Variants in EXOC7 observed in about 807,000 individuals in gnomAD.
EXOC7 encodes exocyst complex component 7.
In EXOC7, 51 loss-of-function variants were observed where a neutral mutation model predicts 87.6. The observed-to-expected ratio is 0.58, with a 90% CI of 0.46 to 0.73. The LOEUF is 0.73. Among genes scored for constraint, EXOC7 ranks in the 30% least tolerant of loss-of-function variants. EXOC7 has a pLI of 0.00. For missense variants in EXOC7, 744 were observed against 888.4 expected (o/e 0.84, Z 2.07); for synonymous variants, 327 against 357.1 (o/e 0.92, Z 0.95).
rs763500076 is a variant in EXOC7, at chr17:76,103,599, ACCT to A, written c.60+31_60+33del. ...GCCCCGCTGTTGGCCCCTTTCCCTC[ACCT>A]CCTCCCCAGCCTCCCCAGGCCCACG... On this transcript the variant is annotated intron_variant, in intron 1 of 18. Transcript: ENST00000589210. 9.4e-4 allele frequency: 1,493 copies of A among 1,586,224 alleles called. 2 individuals are homozygous for A. Among genetic ancestry groups the A allele is most frequent in the Non-Finnish European group, 1.2e-3 (1,360 of 1,170,066 alleles).
intron 6 of EXOC7, 38 bp from the exon 7 acceptor site, chr17:76,091,273 CT>C: frequency 6.3e-7 from 1 of 1,583,880 alleles, no homozygotes; most frequent in South Asian, 1.1e-5. Context: ...ATAAGAAGAC[CT>C]AGGAAATGAG....
chr17:76,103,750 C>T lies in EXOC7; in HGVS notation c.-58G>A, dbSNP rs1022024297. On this transcript the variant is annotated 5_prime_UTR_variant, in exon 1 of 19. Coordinates refer to ENST00000589210, the MANE Select transcript of EXOC7 (RefSeq NM_001013839.4). ...ATCTTTCCTCCGCGGGCCCACCGGGCCCCCGTCCCCGTCACACCCACTTCC... is the reference window on the plus strand; with the variant it reads ...ATCTTTCCTCCGCGGGCCCACCGGGTCCCCGTCCCCGTCACACCCACTTCC... The T allele has an allele frequency of 2.0e-6, 3 of 1,533,352 alleles. No homozygotes were observed. Among genetic ancestry groups the T allele is most frequent in the Admixed American group, 2.0e-5 (1 of 50,038 alleles). The allele number at this position is 1,533,352 out of a possible 1,614,324, so 95.0% of individuals were successfully genotyped here. A position where few individuals can be genotyped will look rare whatever the true frequency, so the allele number is the denominator to read the frequency against.
chr17:76,082,190 C>A lies in EXOC7; in HGVS notation c.*1458G>T. The A allele has an allele frequency of 9.0e-7, 1 of 1,105,612 alleles. No individual in the cohort carries two copies. The highest frequency in any genetic ancestry group is 1.3e-6 in the Non-Finnish European group (1 of 788,112). The allele number at this position is 1,105,612 out of a possible 1,614,324, so 68.5% of individuals were successfully genotyped here. A position where few individuals can be genotyped will look rare whatever the true frequency, so the allele number is the denominator to read the frequency against. On this transcript the variant is annotated 3_prime_UTR_variant, in exon 19 of 19. Coordinates refer to ENST00000589210, the MANE Select transcript of EXOC7 (RefSeq NM_001013839.4). ...CTGTCCCTGGTCTCCACCATGTCCTCCTCCCTTAGAAGAAACAGGTCTGGG... is the reference window on the plus strand; with the variant it reads ...CTGTCCCTGGTCTCCACCATGTCCTACTCCCTTAGAAGAAACAGGTCTGGG...
chr17:76,097,596 C>T (rs368651911), intron 5 of EXOC7, among the ~76,000 whole-genome samples, 200 bp downstream of exon 5: 10 of 148,484 alleles, frequency 6.7e-5, no homozygotes, highest in Admixed American at 2.7e-4. Context: ...CCCAGCTACT[C>T]GGGAGGCTGA....
In EXOC7 at chr17:76,081,197, C is replaced by G. The variant is rs1324867157; in HGVS notation, c.*2451G>C. On this transcript the variant is annotated 3_prime_UTR_variant, in exon 19 of 19. Coordinates refer to ENST00000589210, the MANE Select transcript of EXOC7 (RefSeq NM_001013839.4). Reference sequence around the variant, plus strand: ...AAGCCATCAAAAGTCTCCATCACCCCTGGGCTCCAGTCTGCTACCCCCAGA... The same window carrying G: ...AAGCCATCAAAAGTCTCCATCACCCGTGGGCTCCAGTCTGCTACCCCCAGA... The G allele has an allele frequency of 1.1e-5, 17 of 1,581,716 alleles. No homozygotes were observed. The highest frequency in any genetic ancestry group is 1.5e-5 in the Non-Finnish European group (17 of 1,163,352).
Position 76,085,877 on chromosome 17 carries a change from C to T in EXOC7, c.1496-80G>A, listed in dbSNP as rs980793739. On this transcript the variant is annotated intron_variant, in intron 13 of 18. Transcript: ENST00000589210. ...CCACCCCAGGACCCGCGAACGCGCT[C>T]CTATCCATCGCTCCTCGTCCTGCCT... 5.8e-6 allele frequency: 9 copies of T among 1,563,372 alleles called. No individual in the cohort carries two copies. In the Admixed American group the frequency reaches 1.5e-4, roughly 26 times the overall value.
Position 76,090,260 on chromosome 17 carries a change from G to A in EXOC7, c.901+883C>T. The A allele has an allele frequency of 2.0e-6, 3 of 1,505,714 alleles. No individual in the cohort carries two copies. In the South Asian group the frequency reaches 3.8e-5, roughly 19 times the overall value. The allele number at this position is 1,505,714 out of a possible 1,614,324, so 93.3% of individuals were successfully genotyped here. ...GTGGGCCCAGCTGGGCCAGGCAGGA[G>A]CAGGCCATCCGGGGACCGCTGCGAA... On this transcript the variant is annotated intron_variant, in intron 7 of 18. Transcript: ENST00000589210.
In EXOC7 at chr17:76,087,713, A is replaced by C; in HGVS notation, c.1370T>G (p.Leu457Arg). 6.4e-7 allele frequency: 1 copy of C among 1,551,300 alleles called. No homozygotes were observed. Among genetic ancestry groups the C allele is most frequent in the Non-Finnish European group, 8.7e-7 (1 of 1,147,012 alleles). The change falls in exon 12 of 19, where the codon CTC becomes CGC. Residue 457 changes from leucine (L) to arginine (R), a missense_variant. Physicochemically the swap from Leu to Arg is moderately radical, Grantham distance 102. This residue lies in a region of EXOC7 where 228 missense variants were observed against 298.6 expected (regional missense o/e 0.76). Transcript: ENST00000589210. ...TVHELTSNAI[L>R]FLQQLLDFQE... ...GAAGTCCAAAAGCTGCTGCAGGAAG[A>C]GGATGGCCTGGGTGGGAAGAAAACG...
In EXOC7 at chr17:76,081,719, G is replaced by T; in HGVS notation, c.*1929C>A. On this transcript the variant is annotated 3_prime_UTR_variant, in exon 19 of 19. Transcript: ENST00000589210. ...CGTCCTCCACTCCTCCCTGGTGCAGGCCCTGCCCAGCTCCTCCTCCTGCAA... is the reference window on the plus strand; with the variant it reads ...CGTCCTCCACTCCTCCCTGGTGCAGTCCCTGCCCAGCTCCTCCTCCTGCAA... 1.2e-6 allele frequency: 2 copies of T among 1,614,022 alleles called. No individual in the cohort carries two copies. The highest frequency in any genetic ancestry group is 1.7e-6 in the Non-Finnish European group (2 of 1,180,004).
intron 5 of EXOC7, among the ~76,000 whole-genome samples, chr17:76,096,074 C>T (rs958278665): frequency 6.6e-5 from 10 of 152,192 alleles, no homozygotes; most frequent in Admixed American, 1.3e-4. Flanking sequence ...GCCGAGCTGT[C>T]ATCAGCTCAC....
At chr17:76,099,161 G>A (rs2144692070) in intron 4 of EXOC7, among the ~76,000 whole-genome samples, 1 of 152,258 alleles carries the variant, frequency 6.6e-6, no homozygotes, top group Middle Eastern at 3.4e-3. Flanking sequence ...ATTCACAAGA[G>A]ACAAAAATTG....
In EXOC7 at chr17:76,103,685, G is replaced by A. The variant is rs1414630069; in HGVS notation, c.8C>T (p.Pro3Leu). ...CCGTCGAGCGGATGCCTCCTGTGGG[G>A]GAATCATCGCTCTGAACCCCGCGGC... is the stretch of plus-strand genomic sequence containing the variant. MI[P>L]PQEASARRRE... is the part of the protein sequence containing the mutation. The change falls in exon 1 of 19, where the codon CCC (proline) becomes CTC (leucine). Residue 3 changes from proline to leucine, a missense_variant. Physicochemically the swap from Pro to Leu is moderately conservative, Grantham distance 98. Around this residue, in one of 3 missense-constraint regions of EXOC7, gnomAD observed 512 missense variants for 573.0 expected, o/e 0.89. Transcript: ENST00000589210. The A allele has an allele frequency of 3.7e-6, 6 of 1,611,632 alleles. No homozygotes were observed. The East Asian group carries it at 1.1e-4, about 30-fold the overall frequency.
At position 76,101,393 on chromosome 17, in the gene EXOC7, C is replaced by G; in HGVS notation, c.312-17G>C. ...CCTGTGGGGCTGGGAAAGAAAAGAG[C>G]CAGGTCAGGCTGGGGCATGGGGGAT... On this transcript the variant is annotated splice_polypyrimidine_tract_variant and intron_variant, in intron 3 of 18. Transcript: ENST00000589210. The G allele has an allele frequency of 6.2e-7, 1 of 1,613,690 alleles. No homozygotes were observed. The highest frequency in any genetic ancestry group is 8.5e-7 in the Non-Finnish European group (1 of 1,179,798).
In EXOC7 at chr17:76,087,667, C is replaced by T; in HGVS notation, c.1416G>A (p.Met472Ile). ...AGGTACCAGTACCTTGGGAGGCCAG[C>T]ATGGCGCCTGCCGTCTCCTGGAAGT... is the stretch of plus-strand genomic sequence containing the variant. ...LLDFQETAGA[M>I]LASQETSSSA... Residue 472 changes from methionine to isoleucine, a missense_variant, in exon 12 of 19, where the codon ATG becomes ATA. Met to Ile is a conservative substitution (Grantham distance 10). This residue lies in a region of EXOC7 where 228 missense variants were observed against 298.6 expected (regional missense o/e 0.76). Coordinates refer to ENST00000589210, the MANE Select transcript of EXOC7 (RefSeq NM_001013839.4). The T allele has an allele frequency of 6.4e-7, 1 of 1,551,310 alleles. No homozygotes were observed. The highest frequency in any genetic ancestry group is 2.4e-5 in the East Asian group (1 of 40,916).
At chr17:76,094,231 TG>T in intron 6 of EXOC7, 182 bp downstream of exon 6, 1 of 586,896 alleles carries the variant, frequency 1.7e-6, no homozygotes, top group Non-Finnish European at 2.9e-6. Flanking sequence ...GGAAGAGTCT[TG>T]CTCTTGGGGG....
At chr17:76,088,593 C>T in intron 9 of EXOC7, 31 bp from the exon 10 acceptor site, 1 of 1,607,772 alleles carries the variant, frequency 6.2e-7, no homozygotes, top group South Asian at 1.1e-5. Context: ...CCCCAGCTCA[C>T]CTCCAGTCGC....
chr17:76,100,115 CA>C (rs201144256), intron 4 of EXOC7, among the ~76,000 whole-genome samples: 24 of 142,812 alleles, frequency 1.7e-4, no homozygotes, highest in African/African-American at 3.3e-4. Context: ...GATAATAATG[CA>C]AAAAAAAAAA....
chr17:76,086,896 C>T (rs767188413), intron 12 of EXOC7: 33 of 1,551,178 alleles, frequency 2.1e-5, no homozygotes, highest in Middle Eastern at 1.7e-4. Flanking sequence ...CCAAGAACTA[C>T]GGAGTGAAAG....
Position 76,085,716 on chromosome 17 carries a change from A to G in EXOC7, c.1577T>C (p.Leu526Pro). 1 of 1,614,146 alleles carries G rather than the reference A, an allele frequency of 6.2e-7. No individual in the cohort carries two copies. The highest frequency in any genetic ancestry group is 8.5e-7 in the Non-Finnish European group (1 of 1,180,032). The change falls in exon 14 of 19, where the codon CTG becomes CCG. Residue 526 changes from leucine (L) to proline (P), a missense_variant. Physicochemically the swap from Leu to Pro is moderately conservative, Grantham distance 98. Transcript: ENST00000589210. ...GAGGATGTAATTGTAGTTGTTGTGC[A>G]GGAAGATGGCGCTCAGAGCTGGGTC... Reference protein sequence around the residue: ...YEDPALSAIFLHNNYNYILKS... With the variant: ...YEDPALSAIFPHNNYNYILKS...
Sources: gnomAD v4.1 joint callset for allele counts (sites outside exome capture counted in the v4.1 genomes callset) on GRCh38, gnomAD v4.1.1 for gene constraint, gnomAD v4.1.1 regional missense constraint, MANE v1.5 for transcripts, NCBI Gene and HGNC (gene_info 2026-07-23, HGNC 2026-07-21) for gene names.